PRDM6: variants seen among roughly 807,000 people sequenced by gnomAD.
The protein encoded by PRDM6 is putative histone-lysine N-methyltransferase PRDM6.
In PRDM6, 25 loss-of-function variants were observed where a neutral mutation model predicts 60.8. The observed-to-expected ratio is 0.41, with a 90% CI of 0.30 to 0.57. The LOEUF (loss-of-function observed/expected upper bound fraction) is 0.57. Among genes scored for constraint, PRDM6 ranks in the 20% least tolerant of loss-of-function variants. The probability of loss-of-function intolerance (pLI) is 0.27; values close to 1 mark genes in which losing one functional copy is unlikely to be tolerated. For missense variants in PRDM6, 839 were observed against 821.3 expected, an observed-to-expected ratio of 1.02 and a Z score of -0.26; for synonymous variants, 407 against 357.4, an observed-to-expected ratio of 1.14 and a Z score of -1.57.
rs567311998 is a variant in PRDM6, at chr5:123,141,472, T to C, written c.901-14412T>C. On this transcript the variant is annotated intron_variant, in intron 3 of 7. Transcript: ENST00000407847. ...TTATTTTTCTAGAAATTCTCTTTTG[T>C]AATTGTATGTCAGGCACTATTTGCA... 1.1e-4 allele frequency among the ~76,000 whole-genome samples: 16 copies of C among 152,268 alleles called. No homozygotes were observed. In the South Asian group the frequency reaches 3.3e-3, roughly 32 times the overall value.
At chr5:123,158,713 G>A (rs1012513916) in intron 4 of PRDM6, among the ~76,000 whole-genome samples, 3 of 151,464 alleles carry the variant, frequency 2.0e-5, no homozygotes, top group East Asian at 2.0e-4. Flanking sequence ...ATTCCTTACA[G>A]AAAGGAGAAA....
At chr5:123,101,250 G>A (rs756693685) in intron 3 of PRDM6, among the ~76,000 whole-genome samples, 20 of 152,136 alleles carry the variant, frequency 1.3e-4, no homozygotes, top group Non-Finnish European at 2.8e-4. Context: ...ACCCTCCTGT[G>A]ACTGTTGGGG....
chr5:123,145,372 C>T (rs1765216866), intron 3 of PRDM6, among the ~76,000 whole-genome samples: 1 of 152,160 alleles, frequency 6.6e-6, no homozygotes, highest in African/African-American at 2.4e-5. Flanking sequence ...TAATGCTCTG[C>T]ACCAAGCACA....
intron 3 of PRDM6, among the ~76,000 whole-genome samples, chr5:123,142,171 G>A (rs1344253713): frequency 6.6e-6 from 1 of 152,066 alleles, no homozygotes; most frequent in Non-Finnish European, 1.5e-5. Flanking sequence ...TACTTGAAAT[G>A]GTTGCATTTT....
chr5:123,100,491 G>A (rs1764077303), intron 3 of PRDM6, among the ~76,000 whole-genome samples: 1 of 152,026 alleles, frequency 6.6e-6, no homozygotes, highest in African/African-American at 2.4e-5. Flanking sequence ...TTGAACGTGA[G>A]AGATCACATG....
At chr5:123,113,154 C>A (rs1036040453) in intron 3 of PRDM6, among the ~76,000 whole-genome samples, 5 of 152,140 alleles carry the variant, frequency 3.3e-5, no homozygotes, top group Non-Finnish European at 7.3e-5. Context: ...ACATTTGTTA[C>A]AATGACTGAA....
At chr5:123,135,254 A>G (rs892823058) in intron 3 of PRDM6, among the ~76,000 whole-genome samples, 12 of 152,236 alleles carry the variant, frequency 7.9e-5, no homozygotes, top group Non-Finnish European at 1.8e-4. Context: ...GCCTGTGTGC[A>G]TTTAAAACAT....
Position 123,132,285 on chromosome 5 carries a change from A to G in PRDM6, c.901-23599A>G, listed in dbSNP as rs6875356. ...GTGGGGTGTATAAATGTAGAGAAAC[A>G]TCTTAGGCCTTTCAAAATTAGAATT... On this transcript the variant is annotated intron_variant, in intron 3 of 7. Transcript: ENST00000407847. 4.8e-3 allele frequency among the ~76,000 whole-genome samples: 734 copies of G among 152,290 alleles called. 9 individuals carry two copies. Among genetic ancestry groups the G allele is most frequent in the African/African-American group, 0.017 (703 of 41,568 alleles).
chr5:123,170,161 A>T (rs1327861182), intron 5 of PRDM6, among the ~76,000 whole-genome samples: 1 of 152,084 alleles, frequency 6.6e-6, no homozygotes, highest in Admixed American at 6.5e-5. Context: ...ACCAGATCCC[A>T]TGCCCTGCTC....
At chr5:123,133,501 A>G (rs1764882339) in intron 3 of PRDM6, among the ~76,000 whole-genome samples, 1 of 152,136 alleles carries the variant, frequency 6.6e-6, no homozygotes, top group African/African-American at 2.4e-5. Context: ...AAAAGTCAGA[A>G]TTAGCATTGC....
In PRDM6 at chr5:123,194,148, G is replaced by A. The variant is rs1044422134; in HGVS notation, c.*6947G>A. The A allele has an allele frequency of 6.6e-5, 10 of 152,216 alleles. No homozygotes were observed. Among genetic ancestry groups the A allele is most frequent in the African/African-American group, 2.4e-4 (10 of 41,462 alleles). The allele number at this position is 152,216 out of a possible 1,614,324, so 9.4% of individuals were successfully genotyped here. On this transcript the variant is annotated 3_prime_UTR_variant, in exon 8 of 8. Coordinates refer to ENST00000407847, the MANE Select transcript of PRDM6 (RefSeq NM_001136239.4). ...AGATCATGCATGCTGCTGTATTCTT[G>A]TGATGGAATCTACCAGGATTAAGTT...
In PRDM6 at chr5:123,194,076, A is replaced by G. The variant is rs1766480068; in HGVS notation, c.*6875A>G. 1 of 152,172 alleles carries G rather than the reference A, an allele frequency of 6.6e-6. No individual in the cohort carries two copies. The highest frequency in any genetic ancestry group is 1.5e-5 in the Non-Finnish European group (1 of 68,030). The allele number at this position is 152,172 out of a possible 1,614,324, so 9.4% of individuals were successfully genotyped here. ...AAACTTAATAAAGTTTTCTAACTTT[A>G]TTAAACTCACATTATTTAATGAAAA... is the stretch of plus-strand genomic sequence containing the variant. On this transcript the variant is annotated 3_prime_UTR_variant, in exon 8 of 8. Coordinates refer to ENST00000407847, the MANE Select transcript of PRDM6 (RefSeq NM_001136239.4).
At chr5:123,120,545 A>G (rs888231566) in intron 3 of PRDM6, among the ~76,000 whole-genome samples, 4 of 152,200 alleles carry the variant, frequency 2.6e-5, no homozygotes, top group South Asian at 4.1e-4. Context: ...CAAAAATTCA[A>G]AAATTACAGG....
chr5:123,112,457 C>G (rs962272944), intron 3 of PRDM6, among the ~76,000 whole-genome samples: 10 of 152,192 alleles, frequency 6.6e-5, no homozygotes, highest in South Asian at 2.1e-4. Flanking sequence ...CCTCGGCTTC[C>G]CATTGCTGCT....
intron 3 of PRDM6, among the ~76,000 whole-genome samples, chr5:123,152,185 T>A (rs1265660356): frequency 6.6e-6 from 1 of 152,120 alleles, no homozygotes; most frequent in African/African-American, 2.4e-5. Flanking sequence ...ATGGACTGAT[T>A]TTCAGTGGTG....
chr5:123,153,114 A>G (rs1227350699), intron 3 of PRDM6, among the ~76,000 whole-genome samples: 1 of 152,060 alleles, frequency 6.6e-6, no homozygotes, highest in Non-Finnish European at 1.5e-5. Flanking sequence ...TGTATTACAA[A>G]TATTTTCCCA....
At chr5:123,090,643 G>A (rs1160214010) in intron 2 of PRDM6, 37 bp downstream of exon 2, 7 of 549,144 alleles carry the variant, frequency 1.3e-5, no homozygotes, top group Non-Finnish European at 1.9e-5. Context: ...CTCCCGGGGC[G>A]CCGGCGCCGG....
At chr5:123,111,655 AC>A (rs749506413) in intron 3 of PRDM6, among the ~76,000 whole-genome samples, 8 of 151,598 alleles carry the variant, frequency 5.3e-5, no homozygotes, top group Non-Finnish European at 8.8e-5. Flanking sequence ...CCAAGATTGC[AC>A]CGCTGCGTTC....
intron 6 of PRDM6, among the ~76,000 whole-genome samples, chr5:123,178,769 A>G (rs574985813): frequency 1.3e-5 from 2 of 152,326 alleles, no homozygotes; most frequent in East Asian, 1.9e-4. Context: ...AGTGGCCACA[A>G]TTAAGCAGTT....
Sources: allele counts gnomAD v4.1 joint callset (sites outside exome capture counted in the v4.1 genomes callset), GRCh38; gene constraint gnomAD v4.1.1; transcripts MANE v1.5; gene names NCBI Gene and HGNC (gene_info 2026-07-23, HGNC 2026-07-21).